KCNIP4: variants seen among roughly 807,000 people sequenced by gnomAD.
KCNIP4 encodes potassium voltage-gated channel interacting protein 4, also known as Kv channel-interacting protein 4.
A neutral mutation model predicts 34.0 loss-of-function variants in KCNIP4; 12 were observed. The observed-to-expected ratio is 0.35, with a 90% CI of 0.23 to 0.57. The LOEUF is 0.57. Ranked by LOEUF, KCNIP4 falls within the 20% of genes least tolerant of loss-of-function variation. The pLI is 0.83. For synonymous variants in KCNIP4, 124 were observed against 102.2 expected (o/e 1.21, Z -1.29); for missense variants, 238 against 311.7 (o/e 0.76, Z 1.78).
chr4:21,030,986 G>C (rs1443969004), intron 1 of KCNIP4, among the ~76,000 whole-genome samples: 1 of 152,124 alleles, frequency 6.6e-6, no homozygotes, highest in Non-Finnish European at 1.5e-5. Flanking sequence ...CCCAGGCCCA[G>C]AGAAACACCT....
rs115093823 is a variant in KCNIP4, at chr4:21,397,500, T to C, written c.62-514791A>G. Among the ~76,000 whole-genome samples, 1,293 of 152,344 alleles carry C rather than the reference T, an allele frequency of 8.5e-3. 19 individuals carry two copies. The highest frequency in any genetic ancestry group is 0.03 in the African/African-American group (1,243 of 41,582). On this transcript the variant is annotated intron_variant, in intron 1 of 8. Coordinates refer to ENST00000382152, the MANE Select transcript of KCNIP4 (RefSeq NM_025221.6). ...CAAACCACCACGGCACACATTTATCTATGTAACAAACCTCCACATTTTGTA... is the reference window on the plus strand; with the variant it reads ...CAAACCACCACGGCACACATTTATCCATGTAACAAACCTCCACATTTTGTA...
intron 1 of KCNIP4, among the ~76,000 whole-genome samples, chr4:21,884,397 G>A (rs553872509): frequency 2.6e-5 from 4 of 152,138 alleles, no homozygotes; most frequent in South Asian, 2.1e-4. Context: ...AGCCGTTGTC[G>A]TTAGAAGAAA....
chr4:20,818,920 C>CTTTTTTTTTTTTTTT (rs11382765), intron 3 of KCNIP4, among the ~76,000 whole-genome samples: 1 of 104,954 alleles, frequency 9.5e-6, no homozygotes, highest in African/African-American at 3.8e-5. Flanking sequence ...TATATTATCT[C>CTTTTTTTTTTTTTTT]TTTTTTTTTT....
At chr4:21,871,985 C>T (rs966271117) in intron 1 of KCNIP4, among the ~76,000 whole-genome samples, 7 of 151,820 alleles carry the variant, frequency 4.6e-5, no homozygotes, top group African/African-American at 9.7e-5. Flanking sequence ...TCTGCCTTAC[C>T]GTTTTAACAA....
intron 1 of KCNIP4, among the ~76,000 whole-genome samples, chr4:20,984,939 C>T (rs1736437691): frequency 6.6e-6 from 1 of 152,188 alleles, no homozygotes; most frequent in Non-Finnish European, 1.5e-5. Flanking sequence ...CTCTTATCAA[C>T]TGGGAAGTGT....
intron 2 of KCNIP4, among the ~76,000 whole-genome samples, chr4:20,873,707 G>A (rs1281575122): frequency 6.6e-6 from 1 of 152,116 alleles, no homozygotes; most frequent in East Asian, 1.9e-4. Flanking sequence ...CCATCCCCAA[G>A]TGCCAGACAA....
intron 1 of KCNIP4, among the ~76,000 whole-genome samples, chr4:21,115,430 A>G (rs1393116620): frequency 6.6e-6 from 1 of 152,212 alleles, no homozygotes; most frequent in East Asian, 1.9e-4. Flanking sequence ...TGTTGTTTAA[A>G]TGAATAAATA....
intron 1 of KCNIP4, among the ~76,000 whole-genome samples, chr4:21,281,973 T>C (rs985879182): frequency 6.6e-6 from 1 of 152,330 alleles, no homozygotes; most frequent in African/African-American, 2.4e-5. Flanking sequence ...CCTTCAATTC[T>C]AGATGGCTGC....
intron 1 of KCNIP4, among the ~76,000 whole-genome samples, chr4:21,222,260 G>A (rs1383926127): frequency 7.8e-6 from 1 of 128,508 alleles, no homozygotes; most frequent in East Asian, 2.3e-4. Context: ...TTTCTGCCAT[G>A]AGAGCAGGAT....
intron 1 of KCNIP4, among the ~76,000 whole-genome samples, chr4:21,939,740 T>C (rs1442161814): frequency 6.6e-6 from 1 of 152,120 alleles, no homozygotes; most frequent in Non-Finnish European, 1.5e-5. Flanking sequence ...AAAAGACTCA[T>C]CTTCAAATTA....
intron 1 of KCNIP4, among the ~76,000 whole-genome samples, chr4:21,579,079 T>C (rs376141233): frequency 6.0e-4 from 92 of 152,302 alleles, no homozygotes; most frequent in African/African-American, 2.0e-3. Context: ...AGAGATCAAC[T>C]GATTTAAGAC....
intron 1 of KCNIP4, among the ~76,000 whole-genome samples, chr4:21,234,814 A>G (rs898520416): frequency 2.0e-5 from 3 of 151,436 alleles, no homozygotes; most frequent in Non-Finnish European, 4.4e-5. Context: ...TGCCCAGCTA[A>G]TTTTTGTATT....
At chr4:21,079,267 G>A (rs1229568151) in intron 1 of KCNIP4, among the ~76,000 whole-genome samples, 1 of 151,984 alleles carries the variant, frequency 6.6e-6, no homozygotes, top group East Asian at 1.9e-4. Flanking sequence ...CAATGTTTGA[G>A]CTAATTAAAA....
At chr4:21,104,043 A>T (rs1396562076) in intron 1 of KCNIP4, among the ~76,000 whole-genome samples, 4 of 135,822 alleles carry the variant, frequency 2.9e-5, no homozygotes, top group Non-Finnish European at 6.2e-5. Context: ...CTCAATAAAC[A>T]TACATGTCCT....
chr4:21,558,513 T>TAA (rs1560515597), intron 1 of KCNIP4, among the ~76,000 whole-genome samples: 99 of 151,534 alleles, frequency 6.5e-4, no homozygotes, highest in African/African-American at 1.8e-3. Context: ...AATAAATAAA[T>TAA]ATATAAATAA....
intron 1 of KCNIP4, among the ~76,000 whole-genome samples, chr4:21,107,308 ATAGT>A (rs1374930495): frequency 1.4e-5 from 2 of 141,224 alleles, no homozygotes. Flanking sequence ...TATATTTAGG[ATAGT>A]TAGCTCTTCT....
intron 1 of KCNIP4, among the ~76,000 whole-genome samples, chr4:21,419,481 G>A (rs1344401717): frequency 2.6e-5 from 4 of 151,970 alleles, no homozygotes; most frequent in African/African-American, 7.3e-5. Flanking sequence ...GATTTTCAAA[G>A]GTGTTGCTTC....
At chr4:21,478,643 C>A (rs1375433098) in intron 1 of KCNIP4, among the ~76,000 whole-genome samples, 2 of 152,132 alleles carry the variant, frequency 1.3e-5, no homozygotes, top group African/African-American at 4.8e-5. Flanking sequence ...AGTGATTGAC[C>A]TTGGTTTTGA....
intron 4 of KCNIP4, among the ~76,000 whole-genome samples, 196 bp from the exon 5 acceptor site, chr4:20,749,928 AG>A (rs1241194175): frequency 6.6e-6 from 1 of 152,190 alleles, no homozygotes; most frequent in Non-Finnish European, 1.5e-5. Flanking sequence ...ACCTACATAG[AG>A]GCCATTGGTG....
Sources: gnomAD v4.1 joint callset for allele counts (sites outside exome capture counted in the v4.1 genomes callset) on GRCh38, gnomAD v4.1.1 for gene constraint, MANE v1.5 for transcripts, NCBI Gene and HGNC (gene_info 2026-07-23, HGNC 2026-07-21) for gene names.